Variants in SLC60A1 observed in about 807,000 individuals in gnomAD.
SLC60A1 encodes the protein solute carrier family 60 member 1, also known as major facilitator superfamily domain containing 4.
the SLC60A1 span, chr1:205,600,536 G>T: frequency 6.7e-7 from 1 of 1,498,148 alleles, no homozygotes. Context: ...CAGAAAGCTG[G>T]GTGGTGGTGG....
At chr1:205,583,888 C>A in the SLC60A1 span, 1 of 1,549,672 alleles carries the variant, frequency 6.5e-7, no homozygotes, top group Non-Finnish European at 8.7e-7. Context: ...GCAGTGTGTG[C>A]AGAGGCCAGG....
At chr1:205,585,081 A>C in the SLC60A1 span, 78 of 1,138,284 alleles carry the variant, frequency 6.9e-5, no homozygotes, top group Non-Finnish European at 9.7e-5. The surrounding 1 kb of genome is among the most constrained non-coding windows in gnomAD (Gnocchi z 4.2). Context: ...GAGGAGCATG[A>C]AGGTTTCCTG....
the SLC60A1 span, among the ~76,000 whole-genome samples, chr1:205,586,785 C>T: frequency 6.6e-6 from 1 of 151,692 alleles, no homozygotes; most frequent in Non-Finnish European, 1.5e-5. Context: ...CAACCTCTGT[C>T]TCCCAGGTTC....
chr1:205,595,925 G>A, the SLC60A1 span, among the ~76,000 whole-genome samples: 1 of 152,118 alleles, frequency 6.6e-6, no homozygotes, highest in Non-Finnish European at 1.5e-5. Flanking sequence ...GGGCAGTGTT[G>A]ATTTAAATAA....
chr1:205,578,147 G>A, the SLC60A1 span, among the ~76,000 whole-genome samples: 2 of 152,162 alleles, frequency 1.3e-5, no homozygotes, highest in African/African-American at 4.8e-5. Flanking sequence ...CTTGCCTTGG[G>A]GCATCCCTGC....
chr1:205,586,171 A>G, the SLC60A1 span: 1 of 1,613,614 alleles, frequency 6.2e-7, no homozygotes, highest in Non-Finnish European at 8.5e-7. Flanking sequence ...CCATATCCTC[A>G]AGAATGAAGC....
the SLC60A1 span, among the ~76,000 whole-genome samples, chr1:205,579,252 G>A: frequency 1.3e-5 from 2 of 152,150 alleles, no homozygotes; most frequent in Middle Eastern, 3.2e-3. Context: ...AAGCAATGGC[G>A]TCCTCACCAT....
At chr1:205,584,274 T>C in the SLC60A1 span, 3 of 881,674 alleles carry the variant, frequency 3.4e-6, no homozygotes, top group Non-Finnish European at 4.9e-6. Flanking sequence ...CAGGCTGGAG[T>C]GCAGTGGTGC....
the SLC60A1 span, among the ~76,000 whole-genome samples, chr1:205,576,149 G>A: frequency 6.6e-6 from 1 of 152,100 alleles, no homozygotes; most frequent in Non-Finnish European, 1.5e-5. Flanking sequence ...ACAGTTCCTG[G>A]GCCAGCCTCC....
At chr1:205,570,102 T>C in the SLC60A1 span, among the ~76,000 whole-genome samples, 1 of 152,056 alleles carries the variant, frequency 6.6e-6, no homozygotes, top group East Asian at 1.9e-4. Flanking sequence ...ACGACAGGGC[T>C]CTGGACTCTC....
the SLC60A1 span, among the ~76,000 whole-genome samples, chr1:205,578,348 G>T: frequency 3.9e-5 from 6 of 152,302 alleles, no homozygotes; most frequent in African/African-American, 4.8e-5. Context: ...GCAGCCTGCT[G>T]TTTTATCAGC....
the SLC60A1 span, chr1:205,597,888 G>T: frequency 6.3e-7 from 1 of 1,594,528 alleles, no homozygotes; most frequent in Non-Finnish European, 8.6e-7. Context: ...GAGCATTTGG[G>T]GAGCACTCCT....
At chr1:205,594,614 C>T in the SLC60A1 span, among the ~76,000 whole-genome samples, 4 of 150,218 alleles carry the variant, frequency 2.7e-5, no homozygotes, top group East Asian at 5.9e-4. Context: ...TGAGATTGCA[C>T]TCCAGCCTGG....
chr1:205,576,169 C>T, the SLC60A1 span, among the ~76,000 whole-genome samples: 189 of 152,264 alleles, frequency 1.2e-3, 1 homozygote, highest in Admixed American at 4.2e-3. Context: ...CCAGGGTCAC[C>T]CCAAAGGGCA....
At chr1:205,592,779 G>T in the SLC60A1 span, among the ~76,000 whole-genome samples, 2 of 147,662 alleles carry the variant, frequency 1.4e-5, no homozygotes, top group South Asian at 4.7e-4. Context: ...TTTTCCATCC[G>T]CTTTGTCCCC....
At chr1:205,588,923 G>A in the SLC60A1 span, among the ~76,000 whole-genome samples, 2 of 152,194 alleles carry the variant, frequency 1.3e-5, no homozygotes, top group Non-Finnish European at 2.9e-5. Flanking sequence ...GTAGGCAGTG[G>A]GGATGCAGGC....
chr1:205,600,308 A>G, the SLC60A1 span: 1 of 1,273,632 alleles, frequency 7.9e-7, no homozygotes, highest in South Asian at 1.3e-5. Flanking sequence ...ACAGAATGGC[A>G]GAGAAACAAA....
chr1:205,569,102 C>T, the SLC60A1 span: 3 of 1,513,888 alleles, frequency 2.0e-6, no homozygotes, highest in South Asian at 1.2e-5. Context: ...CGGGGCTGCT[C>T]CGCCGCAACC....
chr1:205,598,910 C>A, the SLC60A1 span: 1 of 584,040 alleles, frequency 1.7e-6, no homozygotes, highest in Non-Finnish European at 3.0e-6. Flanking sequence ...CAGGGGGTCA[C>A]CAGGTCCAGT....
Sources: allele counts gnomAD v4.1 joint callset (sites outside exome capture counted in the v4.1 genomes callset), GRCh38; gene constraint gnomAD v4.1.1; non-coding constraint Gnocchi (gnomAD v3.1); transcripts MANE v1.5; gene names NCBI Gene and HGNC (gene_info 2026-07-23, HGNC 2026-07-21).